The following KIF13A variants were observed in gnomAD, a reference collection of about 807,000 sequenced individuals.
KIF13A encodes the protein kinesin family member 13A.
Under a neutral mutation model 212.2 loss-of-function variants are expected in KIF13A, and 79 were observed. The ratio of observed to expected loss-of-function variants is 0.37; its 90% CI spans 0.31 to 0.45. The LOEUF (loss-of-function observed/expected upper bound fraction) is 0.45. KIF13A is among the 20% of genes least tolerant of loss of function. The pLI, the probability that KIF13A is intolerant of heterozygous loss-of-function variation, is 1.00. For synonymous variants in KIF13A, 789 were observed against 808.6 expected, an observed-to-expected ratio of 0.98 and a Z score of 0.41; for missense variants, 1,901 against 2,209.0, an observed-to-expected ratio of 0.86 and a Z score of 2.79.
chr6:17,962,268 G>A (rs141336035), intron 2 of KIF13A, among the ~76,000 whole-genome samples: 8 of 151,934 alleles, frequency 5.3e-5, no homozygotes, highest in South Asian at 4.2e-4. Context: ...CTGAGATTGC[G>A]CCAGTGCACT....
Position 17,816,963 on chromosome 6 carries a change from T to C in KIF13A, c.2000+57A>G. Reference sequence around the variant, plus strand: ...CTGACATGTCTCAAAAACCCCTCCCTCAAAGACCCACGGCCTTGGGGCCTT... The same window carrying C: ...CTGACATGTCTCAAAAACCCCTCCCCCAAAGACCCACGGCCTTGGGGCCTT... On this transcript the variant is annotated intron_variant, in intron 17 of 38. Transcript: ENST00000259711. This position sits in a 1 kb window ranked among gnomAD's most constrained non-coding sequence, Gnocchi z 4.3. 2 of 1,462,810 alleles carry C rather than the reference T, an allele frequency of 1.4e-6. No homozygotes were observed. Among genetic ancestry groups the C allele is most frequent in the Non-Finnish European group, 1.9e-6 (2 of 1,079,254 alleles). 90.6% of individuals were successfully genotyped at this position (1,462,810 alleles called of 1,614,324 possible).
chr6:17,912,259 A>G lies in KIF13A; in HGVS notation c.147-14079T>C, dbSNP rs549802983. On this transcript the variant is annotated intron_variant, in intron 2 of 38. Transcript: ENST00000259711. This position sits in a 1 kb window ranked among gnomAD's most constrained non-coding sequence, Gnocchi z 4.2. ...GACATACCCAGAAAAATTAGAAGTT[A>G]AAAAAAAAATACAAGCTTTCTTTTG... Among the ~76,000 whole-genome samples, 1 of 150,014 alleles carries G rather than the reference A, an allele frequency of 6.7e-6. No homozygotes were observed. Among genetic ancestry groups the G allele is most frequent in the South Asian group, 2.1e-4 (1 of 4,758 alleles).
At chr6:17,937,739 C>CTTTTTTTTTTT (rs1487188222) in intron 2 of KIF13A, among the ~76,000 whole-genome samples, 2 of 128,426 alleles carry the variant, frequency 1.6e-5, no homozygotes, top group African/African-American at 5.5e-5. Flanking sequence ...AATTTCTTTC[C>CTTTTTTTTTTT]TTTTTTGTTT....
intron 12 of KIF13A, among the ~76,000 whole-genome samples, chr6:17,833,212 G>A (rs1765613555): frequency 6.6e-6 from 1 of 151,694 alleles, no homozygotes; most frequent in Non-Finnish European, 1.5e-5. Context: ...GATCTTTGCT[G>A]GGCGAGGCAC....
chr6:17,846,739 G>C (rs1767107291), intron 9 of KIF13A, among the ~76,000 whole-genome samples: 1 of 152,078 alleles, frequency 6.6e-6, no homozygotes, highest in Admixed American at 6.6e-5. Flanking sequence ...CAAGCCTTGG[G>C]GTAATCCAGT....
In KIF13A at chr6:17,918,675, C is replaced by T. The variant is rs896467753; in HGVS notation, c.147-20495G>A. Among the ~76,000 whole-genome samples, 3 of 152,110 alleles carry T rather than the reference C, an allele frequency of 2.0e-5. No individual in the cohort carries two copies. The highest frequency in any genetic ancestry group is 4.4e-5 in the Non-Finnish European group (3 of 68,028). ...ACTTGGAATTGAAAGCACTCCCATC[C>T]CCAGGCATCTGCACAAGAAGCTCCC... On this transcript the variant is annotated intron_variant, in intron 2 of 38. Transcript: ENST00000259711. The surrounding 1 kb of genome is among the most constrained non-coding windows in gnomAD (Gnocchi z 4.8).
At chr6:17,958,660 C>T (rs1178551609) in intron 2 of KIF13A, among the ~76,000 whole-genome samples, 1 of 152,030 alleles carries the variant, frequency 6.6e-6, no homozygotes, top group Admixed American at 6.6e-5. Context: ...CAGTTTTATT[C>T]CATTTCTTCA....
At position 17,790,014 on chromosome 6, in the gene KIF13A, C is replaced by A. The variant is rs550580932; in HGVS notation, c.3223-104G>T. On this transcript the variant is annotated intron_variant, in intron 25 of 38. Coordinates refer to ENST00000259711, the MANE Select transcript of KIF13A (RefSeq NM_022113.6). ...AACACACATTAAAATGGACAGCTTACCTAACATAAGCAAAATAAAACACTA... is the reference window on the plus strand; with the variant it reads ...AACACACATTAAAATGGACAGCTTAACTAACATAAGCAAAATAAAACACTA... 7.2e-4 allele frequency: 604 copies of A among 833,550 alleles called. 5 individuals carry two copies. In the South Asian group the frequency reaches 7.7e-3, roughly 11 times the overall value. 51.6% of individuals were successfully genotyped at this position (833,550 alleles called of 1,614,324 possible).
In KIF13A at chr6:17,825,677, CG is replaced by C. The variant is rs147574494; in HGVS notation, c.1786+90del. 3,199 of 1,213,312 alleles carry C rather than the reference CG, an allele frequency of 2.6e-3. 68 individuals carry two copies. The African/African-American group carries it at 0.044, about 17-fold the overall frequency. 75.2% of individuals were successfully genotyped at this position (1,213,312 alleles called of 1,614,324 possible). ...TTTTATGTGTTTAAAATGTGGAATG[CG>C]GAATGACACCTGATGCATGCTTATC... On this transcript the variant is annotated intron_variant, in intron 16 of 38. Coordinates refer to ENST00000259711, the MANE Select transcript of KIF13A (RefSeq NM_022113.6). The surrounding 1 kb of genome is among the most constrained non-coding windows in gnomAD (Gnocchi z 4.5).
Position 17,886,293 on chromosome 6 carries a change from A to G in KIF13A, c.159+11875T>C, listed in dbSNP as rs1771528704. Among the ~76,000 whole-genome samples, 1 of 152,208 alleles carries G rather than the reference A, an allele frequency of 6.6e-6. No individual in the cohort carries two copies. Among genetic ancestry groups the G allele is most frequent in the African/African-American group, 2.4e-5 (1 of 41,452 alleles). ...TGCCTCACTGCACCATGCCAGGTACATAGAGCCACAGAGAGGAGAATGCTA... is the reference window on the plus strand; with the variant it reads ...TGCCTCACTGCACCATGCCAGGTACGTAGAGCCACAGAGAGGAGAATGCTA... On this transcript the variant is annotated intron_variant, in intron 3 of 38. Coordinates refer to ENST00000259711, the MANE Select transcript of KIF13A (RefSeq NM_022113.6). This position sits in a 1 kb window ranked among gnomAD's most constrained non-coding sequence, Gnocchi z 5.6.
rs1444632938 is a variant in KIF13A, at chr6:17,849,062, T to A, written c.830+315A>T. 6.6e-6 allele frequency among the ~76,000 whole-genome samples: 1 copy of A among 152,076 alleles called. No homozygotes were observed. The highest frequency in any genetic ancestry group is 6.6e-5 in the Admixed American group (1 of 15,254). On this transcript the variant is annotated intron_variant, in intron 9 of 38. Transcript: ENST00000259711. The surrounding 1 kb of genome is among the most constrained non-coding windows in gnomAD (Gnocchi z 5.7). ...TCTCCCAAGTAGCTGGGGTTACCGG[T>A]GTGCGTGACCGTGCCTTTTTAGTAG...
chr6:17,821,919 G>A (rs1764489115), intron 16 of KIF13A: 1 of 1,535,300 alleles, frequency 6.5e-7, no homozygotes, highest in Admixed American at 2.0e-5. Context: ...GCAGTAGAGG[G>A]GAATCACAGT....
rs774163365 is a variant in KIF13A at position 17,981,564 on chromosome 6, T to C, written c.146+5490A>G. Among the ~76,000 whole-genome samples, 4 of 151,660 alleles carry C rather than the reference T, an allele frequency of 2.6e-5. No individual in the cohort carries two copies. The East Asian group carries it at 7.8e-4, about 30-fold the overall frequency. ...TCAGCCTCCCGAGTAGCTGGGACTA[T>C]AGTCACACACCACCACGCCAGGCTA... On this transcript the variant is annotated intron_variant, in intron 2 of 38. Coordinates refer to ENST00000259711, the MANE Select transcript of KIF13A (RefSeq NM_022113.6).
chr6:17,796,432 G>C (rs1474635021), intron 23 of KIF13A, among the ~76,000 whole-genome samples: 1 of 151,306 alleles, frequency 6.6e-6, no homozygotes, highest in East Asian at 1.9e-4. Flanking sequence ...TAGTAGAGAT[G>C]TGGTTTCACC....
intron 38 of KIF13A, chr6:17,770,361 A>ATTTTTTTTTTTTTTTTTTTTTTTTTT (rs200616640): frequency 3.3e-5 from 4 of 119,454 alleles, no homozygotes; most frequent in East Asian, 2.4e-4. Context: ...AATAAACAGG[A>ATTTTTTTTTTTTTTTTTTTTTTTTTT]TTTTTTTTTT....
rs1175900365 is a variant in KIF13A at position 17,800,152 on chromosome 6, A to G, written c.2455-39T>C. 4 of 1,594,338 alleles carry G rather than the reference A, an allele frequency of 2.5e-6. No homozygotes were observed. The East Asian group carries it at 6.7e-5, about 27-fold the overall frequency. On this transcript the variant is annotated intron_variant, in intron 20 of 38. Coordinates refer to ENST00000259711, the MANE Select transcript of KIF13A (RefSeq NM_022113.6). ...CCAGAGCACCTTAGAGTGAACAGACATCCTGTGGGCAACCTCGACCCAAGA... is the reference window on the plus strand; with the variant it reads ...CCAGAGCACCTTAGAGTGAACAGACGTCCTGTGGGCAACCTCGACCCAAGA...
At chr6:17,909,702 C>G (rs1039821008) in intron 2 of KIF13A, among the ~76,000 whole-genome samples, 1 of 151,140 alleles carries the variant, frequency 6.6e-6, no homozygotes, top group African/African-American at 2.4e-5. Context: ...CAAGACCAGT[C>G]TGGCCAACAT....
At chr6:17,904,443 G>A (rs1237023102) in intron 2 of KIF13A, among the ~76,000 whole-genome samples, 2 of 152,204 alleles carry the variant, frequency 1.3e-5, no homozygotes, top group African/African-American at 2.4e-5. Context: ...ACTCCAGCCT[G>A]GGTGACAGAG....
At chr6:17,958,758 A>G (rs62398187) in intron 2 of KIF13A, among the ~76,000 whole-genome samples, 209 of 152,172 alleles carry the variant, frequency 1.4e-3, no homozygotes, top group Non-Finnish European at 2.2e-3. Flanking sequence ...ATCCATTGTC[A>G]AGGTGTTGTA....
Sources: gnomAD v4.1 joint callset for allele counts (sites outside exome capture counted in the v4.1 genomes callset) on GRCh38, gnomAD v4.1.1 for gene constraint, Gnocchi (gnomAD v3.1) non-coding constraint, MANE v1.5 for transcripts, NCBI Gene and HGNC (gene_info 2026-07-23, HGNC 2026-07-21) for gene names.